Variants in EBF2 observed in about 807,000 individuals in gnomAD.
EBF2 encodes the protein transcription factor COE2.
EBF2 carries 21 observed loss-of-function variants against 72.8 expected under a neutral mutation model. That is an observed-to-expected ratio of 0.29 (90% confidence interval 0.20 to 0.42). EBF2 has a LOEUF of 0.42. Ranked by LOEUF, EBF2 falls within the 10% of genes least tolerant of loss-of-function variation. The pLI, the probability that EBF2 is intolerant of heterozygous loss-of-function variation, is 1.00. For synonymous variants in EBF2, 299 were observed against 274.2 expected, an observed-to-expected ratio of 1.09 and a Z score of -0.89; for missense variants, 637 against 731.2, an observed-to-expected ratio of 0.87 and a Z score of 1.49.
At chr8:25,940,423 C>A (rs1215434210) in intron 6 of EBF2, among the ~76,000 whole-genome samples, 11 of 152,092 alleles carry the variant, frequency 7.2e-5, no homozygotes, top group Admixed American at 7.2e-4. Flanking sequence ...AGACCCCATG[C>A]AGGAGACTTG....
chr8:25,961,862 C>A (rs75493497), intron 6 of EBF2, among the ~76,000 whole-genome samples: 1 of 152,100 alleles, frequency 6.6e-6, no homozygotes, highest in Non-Finnish European at 1.5e-5. Context: ...AATTCATTTG[C>A]CCATTATTCT....
chr8:25,948,657 A>C (rs1286884175), intron 6 of EBF2, among the ~76,000 whole-genome samples: 3 of 152,194 alleles, frequency 2.0e-5, no homozygotes, highest in Non-Finnish European at 1.5e-5. Context: ...AAATGACAGA[A>C]CAGAACCATG....
At chr8:25,881,595 G>A (rs954208399) in intron 10 of EBF2, among the ~76,000 whole-genome samples, 5 of 152,232 alleles carry the variant, frequency 3.3e-5, no homozygotes, top group African/African-American at 9.6e-5. Context: ...AGTGGGGAAG[G>A]GAAGTGCTGG....
intron 10 of EBF2, among the ~76,000 whole-genome samples, chr8:25,874,187 C>T (rs142557547): frequency 2.6e-5 from 4 of 151,990 alleles, no homozygotes; most frequent in Admixed American, 6.6e-5. Flanking sequence ...AAAAAAAATG[C>T]GAAGTGGATG....
chr8:25,940,038 C>T (rs558649988), intron 6 of EBF2, among the ~76,000 whole-genome samples: 1 of 152,278 alleles, frequency 6.6e-6, no homozygotes, highest in South Asian at 2.1e-4. Flanking sequence ...ATCTAAGCCC[C>T]TTCCAATATA....
intron 6 of EBF2, among the ~76,000 whole-genome samples, chr8:25,998,449 G>T (rs1401731502): frequency 1.3e-5 from 2 of 152,200 alleles, no homozygotes; most frequent in African/African-American, 4.8e-5. Context: ...GACACCAGCC[G>T]TAGGAAGAAA....
chr8:25,882,913 C>T (rs1367176651), intron 10 of EBF2, among the ~76,000 whole-genome samples: 6 of 152,176 alleles, frequency 3.9e-5, no homozygotes, highest in African/African-American at 1.4e-4. Flanking sequence ...ATGCAAAAGT[C>T]GTTAATGTCT....
chr8:25,845,472 C>T (rs768617728), intron 15 of EBF2, among the ~76,000 whole-genome samples: 8 of 152,304 alleles, frequency 5.3e-5, no homozygotes, highest in Non-Finnish European at 1.0e-4. Context: ...GTGATCCACC[C>T]ACCTCAGCCT....
At chr8:26,014,161 A>G (rs1805071299) in intron 6 of EBF2, among the ~76,000 whole-genome samples, 1 of 152,174 alleles carries the variant, frequency 6.6e-6, no homozygotes, top group African/African-American at 2.4e-5. Context: ...TATACACATT[A>G]TAATATATAA....
chr8:25,881,291 C>T (rs1802602185), intron 10 of EBF2, among the ~76,000 whole-genome samples: 1 of 152,226 alleles, frequency 6.6e-6, no homozygotes, highest in East Asian at 1.9e-4. Context: ...GCAGCTTGAA[C>T]ACAGCCTCTC....
At chr8:26,000,637 G>A (rs190461464) in intron 6 of EBF2, among the ~76,000 whole-genome samples, 10 of 152,268 alleles carry the variant, frequency 6.6e-5, no homozygotes, top group Admixed American at 4.6e-4. Context: ...AATGTCACAC[G>A]AGGGAGCCAA....
At chr8:25,920,187 C>A (rs1803284607) in intron 6 of EBF2, among the ~76,000 whole-genome samples, 2 of 152,136 alleles carry the variant, frequency 1.3e-5, no homozygotes, top group Admixed American at 1.3e-4. Context: ...AATGTCCTCA[C>A]CTTTCAGGAA....
chr8:25,970,367 G>A (rs757548861), intron 6 of EBF2, among the ~76,000 whole-genome samples: 12 of 152,138 alleles, frequency 7.9e-5, no homozygotes, highest in Non-Finnish European at 1.6e-4. Flanking sequence ...GGAGCCTGGC[G>A]CTGAAGCAGG....
At chr8:25,874,778 T>C (rs1260122925) in intron 10 of EBF2, among the ~76,000 whole-genome samples, 1 of 151,592 alleles carries the variant, frequency 6.6e-6, no homozygotes, top group Non-Finnish European at 1.5e-5. Context: ...CTCGATCTCC[T>C]GGGCTCAAGC....
At chr8:26,009,896 G>C (rs1804948965) in intron 6 of EBF2, among the ~76,000 whole-genome samples, 1 of 152,178 alleles carries the variant, frequency 6.6e-6, no homozygotes, top group Admixed American at 6.5e-5. Context: ...AAAGAACAAG[G>C]AGAGAAGCCA....
intron 6 of EBF2, among the ~76,000 whole-genome samples, chr8:25,998,929 G>A (rs1385170644): frequency 6.6e-6 from 1 of 152,064 alleles, no homozygotes; most frequent in Non-Finnish European, 1.5e-5. Context: ...ACAAATTTCG[G>A]GTCCCACTTG....
At chr8:25,913,878 G>A (rs559019956) in intron 6 of EBF2, among the ~76,000 whole-genome samples, 1 of 152,240 alleles carries the variant, frequency 6.6e-6, no homozygotes, top group East Asian at 1.9e-4. Context: ...CTTGTTTTTA[G>A]CCCAATAAAT....
chr8:25,916,051 C>T (rs966177766), intron 6 of EBF2, among the ~76,000 whole-genome samples: 8 of 151,910 alleles, frequency 5.3e-5, no homozygotes, highest in African/African-American at 7.3e-5. Flanking sequence ...CTTTGGGGGC[C>T]GAGGCAGTCT....
chr8:25,890,021 G>T, intron 7 of EBF2, 152 bp from the exon 8 acceptor site: 1 of 664,858 alleles, frequency 1.5e-6, no homozygotes, highest in Non-Finnish European at 2.7e-6. Context: ...TTCTCCTTCT[G>T]TAATTATGTC....
Sources: allele counts gnomAD v4.1 joint callset (sites outside exome capture counted in the v4.1 genomes callset), GRCh38; gene constraint gnomAD v4.1.1; transcripts MANE v1.5; gene names NCBI Gene and HGNC (gene_info 2026-07-23, HGNC 2026-07-21).